Variants in RBFOX3 observed in about 807,000 individuals in gnomAD.
RBFOX3 encodes the protein RNA binding protein fox-1 homolog 3.
A neutral mutation model predicts 48.7 loss-of-function variants in RBFOX3; 17 were observed. That is an observed-to-expected ratio of 0.35 (90% CI 0.24 to 0.52). RBFOX3 has a LOEUF of 0.52. Ranked by LOEUF, RBFOX3 falls within the 20% of genes least tolerant of loss-of-function variation. RBFOX3 has a pLI of 0.94. For missense variants in RBFOX3, 382 were observed against 497.5 expected, an observed-to-expected ratio of 0.77 and a Z score of 2.21; for synonymous variants, 212 against 209.5, an observed-to-expected ratio of 1.01 and a Z score of -0.10.
chr17:79,155,066 GCCTC>G (rs1336598993), intron 4 of RBFOX3, among the ~76,000 whole-genome samples: 1 of 152,212 alleles, frequency 6.6e-6, no homozygotes, highest in Non-Finnish European at 1.5e-5. Flanking sequence ...GTGAATGGCG[GCCTC>G]CCTGCCACGG....
intron 2 of RBFOX3, among the ~76,000 whole-genome samples, chr17:79,459,454 G>A (rs971780598): frequency 2.0e-5 from 3 of 152,198 alleles, no homozygotes; most frequent in African/African-American, 7.2e-5. Context: ...ATGGTACAGA[G>A]CACAGTGGGG....
Position 79,362,762 on chromosome 17 carries a change from G to T in RBFOX3, c.-174-54938C>A, listed in dbSNP as rs992208809. 6.6e-6 allele frequency among the ~76,000 whole-genome samples: 1 copy of T among 152,212 alleles called. No individual in the cohort carries two copies. Among genetic ancestry groups the T allele is most frequent in the Admixed American group, 6.5e-5 (1 of 15,290 alleles). ...GGATGGGGCCTCCGAGGAGCTCTGG[G>T]ACTGCTCAAGGCCACCAGAGCTGGA... On this transcript the variant is annotated intron_variant, in intron 2 of 14. Transcript: ENST00000693108. This position sits in a 1 kb window ranked among gnomAD's most constrained non-coding sequence, Gnocchi z 4.2.
intron 2 of RBFOX3, among the ~76,000 whole-genome samples, chr17:79,344,600 G>A (rs1032668894): frequency 2.6e-5 from 4 of 151,476 alleles, no homozygotes; most frequent in Admixed American, 2.6e-4. Context: ...CATTGCCCAG[G>A]CTGGAGTGCG....
At chr17:79,515,055 G>A (rs1446888640) in intron 1 of RBFOX3, among the ~76,000 whole-genome samples, 2 of 152,192 alleles carry the variant, frequency 1.3e-5, no homozygotes, top group African/African-American at 4.8e-5. Context: ...TCCTGAGGCA[G>A]AAGTTGGCCT....
At chr17:79,112,466 AG>A (rs1214950829) in intron 5 of RBFOX3, among the ~76,000 whole-genome samples, 1 of 152,124 alleles carries the variant, frequency 6.6e-6, no homozygotes, top group Non-Finnish European at 1.5e-5. Context: ...CAGAAATTCC[AG>A]GAAGGCCTTT....
intron 2 of RBFOX3, among the ~76,000 whole-genome samples, chr17:79,322,113 G>A (rs772259750): frequency 1.3e-5 from 2 of 152,120 alleles, no homozygotes; most frequent in Admixed American, 6.5e-5. Flanking sequence ...ACAGAGAAAC[G>A]TCAGGGCCAG....
chr17:79,265,936 TC>T (rs770685646), intron 3 of RBFOX3, among the ~76,000 whole-genome samples: 5 of 152,190 alleles, frequency 3.3e-5, no homozygotes, highest in Non-Finnish European at 7.3e-5. Flanking sequence ...TGGCACAGCA[TC>T]CAGACTGCTT....
chr17:79,151,968 G>A (rs997632512), intron 4 of RBFOX3, among the ~76,000 whole-genome samples: 1 of 149,302 alleles, frequency 6.7e-6, no homozygotes, highest in South Asian at 2.1e-4. Context: ...TGCAGGGGGA[G>A]CTCCCACATC....
intron 1 of RBFOX3, among the ~76,000 whole-genome samples, chr17:79,576,091 A>G (rs2092847874): frequency 6.6e-6 from 1 of 152,206 alleles, no homozygotes; most frequent in Non-Finnish European, 1.5e-5. Context: ...ACAGGAGATG[A>G]GCCTCCAGAA....
At chr17:79,226,919 C>T (rs902423314) in intron 4 of RBFOX3, among the ~76,000 whole-genome samples, 6 of 152,222 alleles carry the variant, frequency 3.9e-5, no homozygotes, top group African/African-American at 9.7e-5. Context: ...ACAAGTTGCT[C>T]GGGAGGCTCT....
intron 3 of RBFOX3, among the ~76,000 whole-genome samples, chr17:79,297,127 T>C (rs1387965975): frequency 6.6e-6 from 1 of 152,020 alleles, no homozygotes; most frequent in African/African-American, 2.4e-5. Flanking sequence ...CTGCCTTGTC[T>C]GGAGCTTGGC....
At chr17:79,521,217 G>GAC (rs1284110564) in intron 1 of RBFOX3, among the ~76,000 whole-genome samples, 7,883 of 151,108 alleles carry the variant, frequency 0.052, 364 homozygotes, top group African/African-American at 0.13. Flanking sequence ...CTCACGCTCA[G>GAC]ACACACACAC....
chr17:79,092,390 G>GAC, intron 14 of RBFOX3: 4 of 985,742 alleles, frequency 4.1e-6, no homozygotes, highest in African/African-American at 1.7e-5. Flanking sequence ...CAGGGTCAAA[G>GAC]ACACACACAC....
chr17:79,487,359 G>A (rs1249928945), intron 1 of RBFOX3, among the ~76,000 whole-genome samples: 2 of 152,222 alleles, frequency 1.3e-5, no homozygotes, highest in Non-Finnish European at 2.9e-5. Context: ...CCTTTGGTCA[G>A]AAGCGTGGAC....
At chr17:79,432,452 G>T (rs2068635581) in intron 2 of RBFOX3, among the ~76,000 whole-genome samples, 2 of 152,212 alleles carry the variant, frequency 1.3e-5, no homozygotes, top group African/African-American at 4.8e-5. Flanking sequence ...CAGTCACCTG[G>T]GTTGGTGGGA....
chr17:79,408,599 G>T (rs556444630), intron 2 of RBFOX3, among the ~76,000 whole-genome samples: 1 of 152,330 alleles, frequency 6.6e-6, no homozygotes, highest in East Asian at 1.9e-4. Context: ...TGCTAAGGGG[G>T]TGCTGGATGG....
rs1375092427 is a variant in RBFOX3, at chr17:79,482,762, G to C, written c.-319-164C>G. Among the ~76,000 whole-genome samples the C allele has an allele frequency of 6.6e-6, 1 of 152,054 alleles. No individual in the cohort carries two copies. The highest frequency in any genetic ancestry group is 2.4e-5 in the African/African-American group (1 of 41,384). ...ATTGAGGGATCAGCACCCTCCAAAG[G>C]GCACTTTGCTTTTTATGCCCCAGGG... On this transcript the variant is annotated intron_variant, in intron 1 of 14. Transcript: ENST00000693108. The surrounding 1 kb of genome is among the most constrained non-coding windows in gnomAD (Gnocchi z 4.1).
rs1010137066 is a variant in RBFOX3 at position 79,364,433 on chromosome 17, C to G, written c.-174-56609G>C. On this transcript the variant is annotated intron_variant, in intron 2 of 14. Transcript: ENST00000693108. The surrounding 1 kb of genome is among the most constrained non-coding windows in gnomAD (Gnocchi z 5.1). ...AGATGCAGGTGGACTCTGAACTCTGCGAGGAAAGAGATGCTCTCTGCAGCT... is the reference window on the plus strand; with the variant it reads ...AGATGCAGGTGGACTCTGAACTCTGGGAGGAAAGAGATGCTCTCTGCAGCT... Among the ~76,000 whole-genome samples, 1 of 152,188 alleles carries G rather than the reference C, an allele frequency of 6.6e-6. No homozygotes were observed. Among genetic ancestry groups the G allele is most frequent in the Non-Finnish European group, 1.5e-5 (1 of 68,032 alleles).
At chr17:79,555,346 G>A (rs2091563030) in intron 1 of RBFOX3, among the ~76,000 whole-genome samples, 1 of 106,916 alleles carries the variant, frequency 9.4e-6, no homozygotes. Context: ...GATGGTAGTT[G>A]TGGTGGTGGT....
Sources: allele counts gnomAD v4.1 joint callset (sites outside exome capture counted in the v4.1 genomes callset), GRCh38; gene constraint gnomAD v4.1.1; non-coding constraint Gnocchi (gnomAD v3.1); transcripts MANE v1.5; gene names NCBI Gene and HGNC (gene_info 2026-07-23, HGNC 2026-07-21).